Variants in MSRA observed in about 807,000 individuals in gnomAD.
The protein encoded by MSRA is mitochondrial peptide methionine sulfoxide reductase.
MSRA carries 54 observed loss-of-function variants against 31.3 expected under a neutral mutation model. That is an observed-to-expected ratio of 1.73 (90% CI 1.39 to 2.17). The LOEUF is 2.17. MSRA is among the 30% of genes most tolerant of loss of function. The pLI, the probability that MSRA is intolerant of heterozygous loss-of-function variation, is 0.00. For missense variants in MSRA, 507 were observed against 300.9 expected, an observed-to-expected ratio of 1.69 and a Z score of -5.07; for synonymous variants, 169 against 116.5, an observed-to-expected ratio of 1.45 and a Z score of -2.90.
intron 5 of MSRA, among the ~76,000 whole-genome samples, chr8:10,339,574 T>C (rs1165839609): frequency 1.5e-5 from 2 of 134,932 alleles, no homozygotes; most frequent in Non-Finnish European, 3.1e-5. Context: ...CGGAATCTCG[T>C]TCTGTCGCCC....
At chr8:10,104,486 C>A (rs901781136) in intron 1 of MSRA, among the ~76,000 whole-genome samples, 1 of 152,004 alleles carries the variant, frequency 6.6e-6, no homozygotes, top group Non-Finnish European at 1.5e-5. Context: ...AAGGGCAGGA[C>A]AACTTGAATC....
chr8:10,219,713 G>A (rs551230022), intron 2 of MSRA, among the ~76,000 whole-genome samples: 1 of 150,970 alleles, frequency 6.6e-6, no homozygotes, highest in South Asian at 2.1e-4. Context: ...GGCTGAGGCA[G>A]GAGAATGGGG....
At chr8:10,108,693 C>T (rs1189795258) in intron 1 of MSRA, among the ~76,000 whole-genome samples, 2 of 152,150 alleles carry the variant, frequency 1.3e-5, no homozygotes, top group African/African-American at 2.4e-5. Flanking sequence ...CTGTGCAGTC[C>T]TCACGAGGGG....
chr8:10,248,656 A>G (rs184703866), intron 3 of MSRA, among the ~76,000 whole-genome samples: 15 of 152,316 alleles, frequency 9.8e-5, no homozygotes, highest in Admixed American at 8.5e-4. Context: ...GTGGAAATTG[A>G]TAGGCCAGTG....
At chr8:10,250,752 T>TTA (rs1797873908) in intron 3 of MSRA, 2 of 439,320 alleles carry the variant, frequency 4.6e-6, no homozygotes, top group Non-Finnish European at 8.2e-6. Flanking sequence ...TGTCAGGTGC[T>TTA]TATGTGTCCT....
At chr8:10,424,538 G>T (rs1420611331) in intron 5 of MSRA, among the ~76,000 whole-genome samples, 2 of 151,636 alleles carry the variant, frequency 1.3e-5, no homozygotes, top group Admixed American at 1.3e-4. Flanking sequence ...GGAGTGGGAT[G>T]GGGAGAAGGA....
At chr8:10,227,304 A>G (rs1280780766) in intron 2 of MSRA, among the ~76,000 whole-genome samples, 1 of 152,202 alleles carries the variant, frequency 6.6e-6, no homozygotes, top group Non-Finnish European at 1.5e-5. Context: ...GGAGAGAATT[A>G]GAGTGAAGGA....
intron 5 of MSRA, among the ~76,000 whole-genome samples, chr8:10,382,861 C>T (rs1319982719): frequency 6.6e-6 from 1 of 152,218 alleles, no homozygotes; most frequent in Non-Finnish European, 1.5e-5. Context: ...CTGACGGTTC[C>T]TGGTCCACCT....
intron 1 of MSRA, among the ~76,000 whole-genome samples, chr8:10,179,883 T>C (rs1806384403): frequency 6.6e-6 from 1 of 152,210 alleles, no homozygotes; most frequent in Non-Finnish European, 1.5e-5. Flanking sequence ...TTTGCAGAAA[T>C]GTCAACCCCA....
chr8:10,358,326 GC>G (rs1804629957), intron 5 of MSRA, among the ~76,000 whole-genome samples: 1 of 152,122 alleles, frequency 6.6e-6, no homozygotes, highest in Middle Eastern at 3.2e-3. Flanking sequence ...TAATAAGAGC[GC>G]TATACCATCA....
intron 5 of MSRA, among the ~76,000 whole-genome samples, chr8:10,334,689 C>T (rs1478977741): frequency 1.3e-5 from 2 of 152,152 alleles, no homozygotes; most frequent in Non-Finnish European, 2.9e-5. Context: ...GCCAGAGAGC[C>T]GGGAGCACCT....
intron 3 of MSRA, among the ~76,000 whole-genome samples, chr8:10,260,382 A>G (rs1156848133): frequency 2.0e-5 from 3 of 151,956 alleles, no homozygotes; most frequent in Admixed American, 1.3e-4. Context: ...TGGATGGAAC[A>G]GGGAAGGAGC....
intron 2 of MSRA, among the ~76,000 whole-genome samples, chr8:10,243,405 A>G (rs1459442968): frequency 6.6e-6 from 1 of 152,120 alleles, no homozygotes; most frequent in African/African-American, 2.4e-5. Context: ...AAGGAATGCA[A>G]CAAAGGAAAA....
At chr8:10,125,171 C>CT (rs1378906451) in intron 1 of MSRA, among the ~76,000 whole-genome samples, 4 of 152,206 alleles carry the variant, frequency 2.6e-5, no homozygotes, top group Non-Finnish European at 4.4e-5. Context: ...GGTGTGACGG[C>CT]TGCCAGGTGC....
At chr8:10,092,715 G>C (rs1798919230) in intron 1 of MSRA, among the ~76,000 whole-genome samples, 1 of 152,026 alleles carries the variant, frequency 6.6e-6, no homozygotes, top group Non-Finnish European at 1.5e-5. Flanking sequence ...TTGATTTATA[G>C]TGTTGGTCAA....
At chr8:10,239,234 T>A (rs767243275) in intron 2 of MSRA, among the ~76,000 whole-genome samples, 6 of 152,172 alleles carry the variant, frequency 3.9e-5, no homozygotes, top group Admixed American at 3.9e-4. Context: ...CAATCTCGGC[T>A]TATTGCAACC....
At chr8:10,395,375 T>C (rs13258495) in intron 5 of MSRA, among the ~76,000 whole-genome samples, 134,743 of 152,126 alleles carry the variant, frequency 0.89, 61,269 homozygotes, top group East Asian at 1. Context: ...CTAAGGGGAT[T>C]ATAGGATGTG....
chr8:10,057,222 G>C lies in MSRA; in HGVS notation c.142+2564G>C, dbSNP rs1051827716. 8.5e-5 allele frequency among the ~76,000 whole-genome samples: 13 copies of C among 152,148 alleles called. 1 individual carries two copies. Among genetic ancestry groups the C allele is most frequent in the Non-Finnish European group, 4.4e-5 (3 of 68,026 alleles). On this transcript the variant is annotated intron_variant, in intron 1 of 5. Coordinates refer to ENST00000317173, the MANE Select transcript of MSRA (RefSeq NM_012331.5). ...CTCATTTGCAGCCTGCTGTGTTCAG[G>C]TTAGGGGGCATCTGGGCAGTGCTGG...
chr8:10,122,291 A>G (rs781019220), intron 1 of MSRA, among the ~76,000 whole-genome samples: 4 of 152,196 alleles, frequency 2.6e-5, no homozygotes, highest in Non-Finnish European at 4.4e-5. Context: ...AGAAAAAGGC[A>G]CCAGGCTCAG....
Sources: gnomAD v4.1 joint callset for allele counts (sites outside exome capture counted in the v4.1 genomes callset) on GRCh38, gnomAD v4.1.1 for gene constraint, MANE v1.5 for transcripts, NCBI Gene and HGNC (gene_info 2026-07-23, HGNC 2026-07-21) for gene names.